ERBB4: variants seen among roughly 807,000 people sequenced by gnomAD.
ERBB4 encodes the protein erb-b2 receptor tyrosine kinase 4.
In ERBB4, 42 loss-of-function variants were observed where a neutral mutation model predicts 158.0. The observed-to-expected ratio is 0.27, with a 90% CI of 0.21 to 0.34. The LOEUF is 0.34. Ranked by LOEUF, ERBB4 falls within the 10% of genes least tolerant of loss-of-function variation. The pLI is 1.00. For synonymous variants in ERBB4, 583 were observed against 558.7 expected (o/e 1.04, Z -0.61); for missense variants, 1,333 against 1,624.1 (o/e 0.82, Z 3.08).
At chr2:211,516,416 C>T (rs1272537457) in intron 20 of ERBB4, among the ~76,000 whole-genome samples, 2 of 151,764 alleles carry the variant, frequency 1.3e-5, no homozygotes, top group African/African-American at 4.8e-5. Context: ...TCAGTGCAAC[C>T]TCTGCCTCCT....
intron 5 of ERBB4, among the ~76,000 whole-genome samples, chr2:211,741,661 T>G (rs986688654): frequency 1.3e-5 from 2 of 152,138 alleles, no homozygotes; most frequent in African/African-American, 4.8e-5. Context: ...TAACCCACAG[T>G]ATGGCCACAG....
rs10206815 is a variant in ERBB4 at position 211,697,087 on chromosome 2, T to C, written c.1489+4880A>G. Among the ~76,000 whole-genome samples, 660 of 152,190 alleles carry C rather than the reference T, an allele frequency of 4.3e-3. 7 individuals carry two copies. Among genetic ancestry groups the C allele is most frequent in the African/African-American group, 0.015 (626 of 41,468 alleles). ...TTTAGTAGCTCCAAAACTGGAAATA[T>C]CATTTAACTTTCTTAATGTATGTAT... On this transcript the variant is annotated intron_variant, in intron 12 of 27. Transcript: ENST00000342788.
At chr2:212,026,916 C>A (rs1412034145) in intron 2 of ERBB4, among the ~76,000 whole-genome samples, 2 of 151,676 alleles carry the variant, frequency 1.3e-5, no homozygotes, top group East Asian at 3.9e-4. Flanking sequence ...AATAAGTAGA[C>A]AAAATTGCTT....
chr2:212,195,723 C>G (rs1168368078), intron 1 of ERBB4, among the ~76,000 whole-genome samples: 2 of 152,030 alleles, frequency 1.3e-5, no homozygotes, highest in African/African-American at 4.8e-5. Context: ...TATCCCTATA[C>G]TTAATCTGTA....
intron 1 of ERBB4, among the ~76,000 whole-genome samples, chr2:212,160,024 C>T (rs1463365318): frequency 1.3e-5 from 2 of 152,014 alleles, no homozygotes; most frequent in Non-Finnish European, 1.5e-5. Context: ...AAATCCATGG[C>T]AAGCCCAAAT....
At chr2:212,466,005 A>G (rs959941000) in intron 1 of ERBB4, among the ~76,000 whole-genome samples, 3 of 152,278 alleles carry the variant, frequency 2.0e-5, no homozygotes, top group East Asian at 3.9e-4. Context: ...GAGACTAGAT[A>G]TAAGAACCAG....
Position 211,750,611 on chromosome 2 carries a change from C to T in ERBB4, c.622+28G>A, listed in dbSNP as rs781279866. 1.0e-5 allele frequency: 16 copies of T among 1,597,940 alleles called. 1 individual carries two copies. The African/African-American group carries it at 1.3e-4, about 13-fold the overall frequency. ...TTAAAATTCCTTGACCACATCAAAC[C>T]TGTGTGCTCTCACTGATGAACACTT... On this transcript the variant is annotated intron_variant, in intron 5 of 27. Transcript: ENST00000342788.
chr2:212,015,609 T>C (rs1439046699), intron 2 of ERBB4, among the ~76,000 whole-genome samples: 2 of 152,152 alleles, frequency 1.3e-5, no homozygotes, highest in Non-Finnish European at 1.5e-5. Flanking sequence ...ATTTTTCAAA[T>C]TGCTTTGTAA....
intron 3 of ERBB4, among the ~76,000 whole-genome samples, chr2:211,879,207 C>A (rs979960319): frequency 2.0e-5 from 3 of 151,088 alleles, no homozygotes; most frequent in African/African-American, 2.4e-5. Context: ...AAAAAAAAGA[C>A]AACATAAAAC....
chr2:212,318,477 A>G (rs2087396617), intron 1 of ERBB4, among the ~76,000 whole-genome samples: 1 of 151,500 alleles, frequency 6.6e-6, no homozygotes, highest in Non-Finnish European at 1.5e-5. Flanking sequence ...TTTTGCTCAA[A>G]ATAAAAGTTG....
intron 20 of ERBB4, among the ~76,000 whole-genome samples, chr2:211,537,924 T>A (rs1431765978): frequency 6.6e-6 from 1 of 151,912 alleles, no homozygotes; most frequent in Non-Finnish European, 1.5e-5. Context: ...TTTTTAAATG[T>A]GAAATTTTAT....
chr2:211,817,159 T>A (rs2076896287), intron 3 of ERBB4, among the ~76,000 whole-genome samples: 1 of 152,206 alleles, frequency 6.6e-6, no homozygotes, highest in Admixed American at 6.5e-5. Flanking sequence ...TTAAGGCTGA[T>A]TATTTCTCTT....
chr2:212,031,320 A>G (rs1464814030), intron 2 of ERBB4, among the ~76,000 whole-genome samples: 2 of 152,084 alleles, frequency 1.3e-5, no homozygotes, highest in South Asian at 4.1e-4. Context: ...CTATATTTAA[A>G]TTTTTTATAT....
At chr2:212,259,465 A>G (rs2084854490) in intron 1 of ERBB4, among the ~76,000 whole-genome samples, 1 of 152,192 alleles carries the variant, frequency 6.6e-6, no homozygotes, top group Admixed American at 6.5e-5. Flanking sequence ...TGAGTCAACC[A>G]TGTGAATACA....
intron 1 of ERBB4, among the ~76,000 whole-genome samples, chr2:212,440,066 G>A (rs956003607): frequency 7.2e-5 from 11 of 152,188 alleles, no homozygotes; most frequent in African/African-American, 2.7e-4. Context: ...TAGAAAGATA[G>A]TAACAATACC....
chr2:212,003,181 G>GAAAGA (rs1559293033), intron 2 of ERBB4, among the ~76,000 whole-genome samples: 11 of 55,100 alleles, frequency 2.0e-4, no homozygotes, highest in Admixed American at 6.6e-4. Flanking sequence ...AAGAAAGAAA[G>GAAAGA]AAAGAAAGAA....
intron 1 of ERBB4, among the ~76,000 whole-genome samples, chr2:212,226,352 G>A (rs1340046200): frequency 6.6e-6 from 1 of 151,054 alleles, no homozygotes; most frequent in African/African-American, 2.4e-5. Context: ...ACTCTGAGCA[G>A]GATCTAGCCA....
chr2:212,112,954 A>G (rs953190939), intron 2 of ERBB4, among the ~76,000 whole-genome samples: 6 of 152,320 alleles, frequency 3.9e-5, no homozygotes, highest in Admixed American at 2.0e-4. Flanking sequence ...TACTCTGTAC[A>G]ATCTTCATAA....
At chr2:212,027,819 T>C (rs2076809410) in intron 2 of ERBB4, among the ~76,000 whole-genome samples, 1 of 152,100 alleles carries the variant, frequency 6.6e-6, no homozygotes, top group African/African-American at 2.4e-5. Flanking sequence ...TGCAGCTTAG[T>C]CTTTATTTTT....
Sources: gnomAD v4.1 joint callset for allele counts (sites outside exome capture counted in the v4.1 genomes callset) on GRCh38, gnomAD v4.1.1 for gene constraint, MANE v1.5 for transcripts, NCBI Gene and HGNC (gene_info 2026-07-23, HGNC 2026-07-21) for gene names.